CYP24A1: variants seen among roughly 807,000 people sequenced by gnomAD.
CYP24A1 encodes 1,25-dihydroxyvitamin D(3) 24-hydroxylase, mitochondrial.
In CYP24A1, 68 loss-of-function variants were observed where a neutral mutation model predicts 62.4. That is an observed-to-expected ratio of 1.09 (90% CI 0.90 to 1.33). CYP24A1 has a LOEUF of 1.33. Ranked by LOEUF, CYP24A1 falls within the 40% of genes most tolerant of loss-of-function variation. CYP24A1 has a pLI of 0.00. For missense variants in CYP24A1, 787 were observed against 653.0 expected, an observed-to-expected ratio of 1.21 and a Z score of -2.24; for synonymous variants, 267 against 253.0, an observed-to-expected ratio of 1.06 and a Z score of -0.52.
chr20:54,162,603 G>T, intron 7 of CYP24A1, 114 bp downstream of exon 7: 2 of 784,728 alleles, frequency 2.5e-6, no homozygotes, highest in Non-Finnish European at 4.6e-6. Flanking sequence ...TTTTTGTGGA[G>T]TTGATGCTAG....
chr20:54,156,848 G>A (rs567996774), intron 11 of CYP24A1, among the ~76,000 whole-genome samples: 11 of 152,198 alleles, frequency 7.2e-5, no homozygotes, highest in African/African-American at 1.9e-4. Flanking sequence ...GGCCCTTTAC[G>A]GAAAAAGTTT....
the CYP24A1 span, among the ~76,000 whole-genome samples, chr20:54,144,671 T>G: frequency 6.7e-6 from 1 of 148,642 alleles, no homozygotes; most frequent in Non-Finnish European, 1.5e-5. Context: ...TATTAATATA[T>G]ATTATAGAAT....
the CYP24A1 span, among the ~76,000 whole-genome samples, chr20:54,146,925 TAGGTCAACTTCCAACCC>T: frequency 1.3e-5 from 2 of 152,222 alleles, no homozygotes; most frequent in African/African-American, 4.8e-5. Context: ...AATCACTTAT[TAGGTCAACTTCCAACCC>T]AGGAGATTAG....
At chr20:54,147,924 C>CCTGG in the CYP24A1 span, among the ~76,000 whole-genome samples, 1 of 152,090 alleles carries the variant, frequency 6.6e-6, no homozygotes, top group Non-Finnish European at 1.5e-5. Flanking sequence ...ACCTCTGACT[C>CCTGG]CTGGGTTCAA....
intron 11 of CYP24A1, chr20:54,155,065 G>T (rs1030060937): frequency 2.8e-4 from 42 of 149,534 alleles, no homozygotes; most frequent in African/African-American, 1.0e-3. Context: ...AAACTTAAAA[G>T]GTGTGGCTTA....
chr20:54,152,662 T>C (rs1321058322), downstream of CYP24A1, among the ~76,000 whole-genome samples: 1 of 152,220 alleles, frequency 6.6e-6, no homozygotes, highest in Non-Finnish European at 1.5e-5. Flanking sequence ...CAGAAGCCAC[T>C]GTGGCCTGGT....
At chr20:54,161,750 A>C (rs2092651131) in intron 7 of CYP24A1, among the ~76,000 whole-genome samples, 1 of 152,148 alleles carries the variant, frequency 6.6e-6, no homozygotes, top group Admixed American at 6.5e-5. Flanking sequence ...GTTCAACAGG[A>C]AAGTGAGCGA....
At position 54,169,617 on chromosome 20, in the gene CYP24A1, G is replaced by A. The variant is rs776207583; in HGVS notation, c.615C>T (p.Ser205=). 7 of 1,614,106 alleles carry A rather than the reference G, an allele frequency of 4.3e-6. No homozygotes were observed. The highest frequency in any genetic ancestry group is 1.6e-4 in the Middle Eastern group (1 of 6,062). ...DERGHVEDLY[S]ELNKWSFESI... Reference sequence around the variant, plus strand: ...TTTCAAACGACCATTTGTTCAGTTCGCTGTACAAGTCTTCAACGTGGCCTC... The same window carrying A: ...TTTCAAACGACCATTTGTTCAGTTCACTGTACAAGTCTTCAACGTGGCCTC... The change falls in exon 4 of 12, where the codon AGC becomes AGT. Residue 205 remains serine (S), a synonymous_variant. Coordinates refer to ENST00000216862, the MANE Select transcript of CYP24A1 (RefSeq NM_000782.5).
At position 54,173,768 on chromosome 20, in the gene CYP24A1, C is replaced by A; in HGVS notation, c.-189G>T. 2 of 603,960 alleles carry A rather than the reference C, an allele frequency of 3.3e-6. No homozygotes were observed. The highest frequency in any genetic ancestry group is 5.9e-6 in the Non-Finnish European group (2 of 339,368). The allele number at this position is 603,960 out of a possible 1,614,324, so 37.4% of individuals were successfully genotyped here. A position where few individuals can be genotyped will look rare whatever the true frequency, so the allele number is the denominator to read the frequency against. ...ACCTCGGCGAGGATGCTCGACGCTG[C>A]ACCACGCGACAGCCTCAGAGCATTG... On this transcript the variant is annotated 5_prime_UTR_variant, in exon 1 of 12. Coordinates refer to ENST00000216862, the MANE Select transcript of CYP24A1 (RefSeq NM_000782.5). This position sits in a 1 kb window ranked among gnomAD's most constrained non-coding sequence, Gnocchi z 7.2.
chr20:54,162,530 TGAGGCACCGTGGCATAGATGCTGTGCGCG>T (rs903236948), intron 7 of CYP24A1, 158 bp downstream of exon 7: 3 of 527,752 alleles, frequency 5.7e-6, no homozygotes, highest in East Asian at 3.3e-5. Context: ...GGCCGTGCGC[TGAGGCACCGTGGCATAGATGCTGTGCGCG>T]GAGGCACCGT....
chr20:54,170,182 G>C (rs2092689145), intron 3 of CYP24A1, among the ~76,000 whole-genome samples: 1 of 152,184 alleles, frequency 6.6e-6, no homozygotes, highest in Admixed American at 6.5e-5. Flanking sequence ...TCTGGACACA[G>C]CTCCTTCCCT....
At chr20:54,147,831 C>T in the CYP24A1 span, among the ~76,000 whole-genome samples, 2 of 152,120 alleles carry the variant, frequency 1.3e-5, no homozygotes, top group African/African-American at 4.8e-5. Flanking sequence ...GCTTCCAGCA[C>T]TCAGTTCTTT....
the CYP24A1 span, among the ~76,000 whole-genome samples, chr20:54,145,639 C>CAAA: frequency 3.2e-5 from 3 of 93,836 alleles, no homozygotes; most frequent in Admixed American, 1.1e-4. Flanking sequence ...GACTCTGTCT[C>CAAA]AAAAAAAAAA....
At chr20:54,172,750 G>C (rs535965247) in intron 2 of CYP24A1, 159 bp downstream of exon 2, 2 of 1,490,898 alleles carry the variant, frequency 1.3e-6, no homozygotes, top group African/African-American at 1.4e-5. Context: ...CTGTACAAGA[G>C]CTCAGGGTTG....
chr20:54,164,844 AAG>A (rs1172258752), intron 5 of CYP24A1, among the ~76,000 whole-genome samples: 1 of 151,690 alleles, frequency 6.6e-6, no homozygotes. Flanking sequence ...AAAAAAAAAA[AAG>A]AGGAAAAACG....
rs946380604 is a variant in CYP24A1, at chr20:54,173,729, A to G, written c.-150T>C. ...GTGATGGAGCGGGGTGAGGCGGGAC[A>G]GGCAGCAGAAAGGACCTCGGCGAGG... On this transcript the variant is annotated 5_prime_UTR_variant, in exon 1 of 12. Coordinates refer to ENST00000216862, the MANE Select transcript of CYP24A1 (RefSeq NM_000782.5). This position sits in a 1 kb window ranked among gnomAD's most constrained non-coding sequence, Gnocchi z 7.2. 7.5e-5 allele frequency: 47 copies of G among 625,214 alleles called. No homozygotes were observed. The Middle Eastern group carries it at 2.6e-3, about 34-fold the overall frequency. 38.7% of individuals were successfully genotyped at this position (625,214 alleles called of 1,614,324 possible).
rs530338632 is a variant in CYP24A1, at chr20:54,162,220, C to CTTTTTTTTTT, written c.990+487_990+496dup. Among the ~76,000 whole-genome samples, 10 of 72,550 alleles carry CTTTTTTTTTT rather than the reference C, an allele frequency of 1.4e-4. 1 individual carries two copies. Among genetic ancestry groups the CTTTTTTTTTT allele is most frequent in the African/African-American group, 6.3e-4 (10 of 15,876 alleles). The allele number at this position is 72,550 out of a possible 152,430, so 47.6% of individuals were successfully genotyped here. A position where few individuals can be genotyped will look rare whatever the true frequency, so the allele number is the denominator to read the frequency against. On this transcript the variant is annotated intron_variant, in intron 7 of 11. Coordinates refer to ENST00000216862, the MANE Select transcript of CYP24A1 (RefSeq NM_000782.5). Reference sequence around the variant, plus strand: ...ATTATTGGCTTGAAAGAGAGTATGCCTTTTTTTTTTTTTTTTTTTTTTTTT... The same window carrying CTTTTTTTTTT: ...ATTATTGGCTTGAAAGAGAGTATGCCTTTTTTTTTTTTTTTTTTTTTTTTTTTTTTTTTTT...
chr20:54,162,232 T>C (rs927687986), intron 7 of CYP24A1, among the ~76,000 whole-genome samples: 1 of 98,148 alleles, frequency 1.0e-5, no homozygotes, highest in African/African-American at 3.4e-5. Context: ...TTTTTTTTTT[T>C]TTTTTTTTTT....
At chr20:54,159,736 T>C (rs898266332) in intron 7 of CYP24A1, among the ~76,000 whole-genome samples, 1 of 152,196 alleles carries the variant, frequency 6.6e-6, no homozygotes, top group African/African-American at 2.4e-5. Context: ...AATGAGTACA[T>C]GTAAAATTGG....
Sources: gnomAD v4.1 joint callset for allele counts (sites outside exome capture counted in the v4.1 genomes callset) on GRCh38, gnomAD v4.1.1 for gene constraint, Gnocchi (gnomAD v3.1) non-coding constraint, MANE v1.5 for transcripts, NCBI Gene and HGNC (gene_info 2026-07-23, HGNC 2026-07-21) for gene names.